The following ZFHX3 variants were observed in gnomAD, a reference collection of about 807,000 sequenced individuals.
The protein encoded by ZFHX3 is zinc finger homeobox protein 3.
In ZFHX3, 42 loss-of-function variants were observed where a neutral mutation model predicts 279.1. That is an observed-to-expected ratio of 0.15 (90% CI 0.12 to 0.19). The LOEUF is 0.19. ZFHX3 is among the 10% of genes least tolerant of loss of function. The pLI, the probability that ZFHX3 is intolerant of heterozygous loss-of-function variation, is 1.00. For synonymous variants in ZFHX3, 2,293 were observed against 1,957.8 expected (o/e 1.17, Z -4.52); for missense variants, 4,981 against 4,754.0 (o/e 1.05, Z -1.40).
chr16:72,837,056 G>A (rs1597293165), intron 4 of ZFHX3, among the ~76,000 whole-genome samples: 2 of 152,110 alleles, frequency 1.3e-5, no homozygotes, highest in African/African-American at 2.4e-5. Context: ...TGGGCCTCCC[G>A]CACTCCTGCG....
intron 5 of ZFHX3, among the ~76,000 whole-genome samples, chr16:73,159,456 A>G (rs1352868032): frequency 1.3e-5 from 2 of 152,152 alleles, no homozygotes; most frequent in African/African-American, 4.8e-5. Context: ...AGGGCTTGCT[A>G]TCTTGCTGTC....
rs1242491554 is a variant in ZFHX3, at chr16:73,261,668, G to GCTTTTTT, written c.-1193-4533_-1193-4532insAAAAAAG. Among the ~76,000 whole-genome samples, 4 of 80,702 alleles carry GCTTTTTT rather than the reference G, an allele frequency of 5.0e-5. 1 individual carries two copies. The highest frequency in any genetic ancestry group is 1.9e-4 in the African/African-American group (4 of 21,052). 52.9% of individuals were successfully genotyped at this position (80,702 alleles called of 152,430 possible). On this transcript the variant is annotated intron_variant, in intron 4 of 17. Coordinates refer to the ZFHX3 transcript ENST00000641206. ...TATAAATATAAACATTCCTGTGATT[G>GCTTTTTT]TTTTTTTTTTTTTTTTTTTTTTTTA...
chr16:73,215,552 T>C (rs563344772), intron 5 of ZFHX3, among the ~76,000 whole-genome samples: 1 of 152,322 alleles, frequency 6.6e-6, no homozygotes, highest in African/African-American at 2.4e-5. Flanking sequence ...GAGGCCAACT[T>C]GGTAGGACCC....
chr16:73,374,178 G>A (rs1197396896), intron 3 of ZFHX3, among the ~76,000 whole-genome samples: 1 of 152,252 alleles, frequency 6.6e-6, no homozygotes, highest in East Asian at 1.9e-4. Flanking sequence ...GAGCAGGTGG[G>A]TTATTTCTTA....
intron 4 of ZFHX3, among the ~76,000 whole-genome samples, chr16:73,291,319 G>T (rs1359073220): frequency 1.3e-5 from 2 of 152,158 alleles, no homozygotes; most frequent in African/African-American, 4.8e-5. Flanking sequence ...TCATCAAAGG[G>T]AAGGCAGGGG....
At chr16:73,849,225 C>G (rs1215401866) in intron 1 of ZFHX3, among the ~76,000 whole-genome samples, 5 of 152,168 alleles carry the variant, frequency 3.3e-5, no homozygotes, top group African/African-American at 1.2e-4. Flanking sequence ...AATTCACATC[C>G]TGATGTTGCT....
At chr16:73,059,996 C>A (rs771622306), upstream of ZFHX3, among the ~76,000 whole-genome samples, 1 of 152,044 alleles carries the variant, frequency 6.6e-6, no homozygotes, top group Non-Finnish European at 1.5e-5. Flanking sequence ...CAACTTTCTA[C>A]CTTTCTGGAC....
chr16:73,108,062 G>A (rs994567530), intron 7 of ZFHX3, among the ~76,000 whole-genome samples: 3 of 152,320 alleles, frequency 2.0e-5, no homozygotes, highest in South Asian at 2.1e-4. Context: ...TCGGGAGGCC[G>A]AGGCAGGAGA....
In ZFHX3 at chr16:72,958,010, C is replaced by T. The variant is rs1961349738; in HGVS notation, c.2136G>A (p.Arg712=). Residue 712 remains arginine (R), a synonymous_variant, in exon 2 of 10, where the codon CGG becomes CGA. Transcript: ENST00000268489. ...VYCKSGQPHP[R]LARGESYTCG... ...ACGTGTAGCTCTCGCCTCGTGCCAG[C>T]CGGGGGTGGGGCTGCCCGCTTTTGC... 1 of 1,609,748 alleles carries T rather than the reference C, an allele frequency of 6.2e-7. No individual in the cohort carries two copies. The highest frequency in any genetic ancestry group is 1.7e-5 in the Admixed American group (1 of 59,608).
chr16:73,560,067 C>A (rs546617016), intron 2 of ZFHX3, among the ~76,000 whole-genome samples: 20 of 152,270 alleles, frequency 1.3e-4, no homozygotes, highest in East Asian at 5.8e-4. Flanking sequence ...GGAAAAAAAA[C>A]CCCAGTGCCT....
intron 2 of ZFHX3, among the ~76,000 whole-genome samples, chr16:73,586,960 G>A (rs1359104056): frequency 6.6e-5 from 10 of 151,964 alleles, no homozygotes; most frequent in African/African-American, 2.4e-4. Context: ...TTTCCACTAT[G>A]TAAATACTGA....
chr16:73,301,025 C>T (rs2015044148), intron 4 of ZFHX3, among the ~76,000 whole-genome samples: 2 of 152,214 alleles, frequency 1.3e-5, no homozygotes, highest in African/African-American at 2.4e-5. Flanking sequence ...AGATTTCTCA[C>T]TGAAAGAAAT....
intron 3 of ZFHX3, among the ~76,000 whole-genome samples, chr16:73,327,337 T>C (rs2015711017): frequency 6.6e-6 from 1 of 152,122 alleles, no homozygotes; most frequent in South Asian, 2.1e-4. Flanking sequence ...AAGTATTCCA[T>C]GAGACCAGGT....
chr16:73,818,447 A>T (rs145062202), intron 1 of ZFHX3, among the ~76,000 whole-genome samples: 1 of 152,294 alleles, frequency 6.6e-6, no homozygotes, highest in African/African-American at 2.4e-5. Context: ...AATGGCATAT[A>T]TGAGAGGTCC....
At chr16:73,406,393 GT>G (rs1257755737) in intron 3 of ZFHX3, among the ~76,000 whole-genome samples, 3 of 152,188 alleles carry the variant, frequency 2.0e-5, no homozygotes, top group Non-Finnish European at 2.9e-5. Context: ...GGACCAATGG[GT>G]ACCTTTCTGA....
intron 1 of ZFHX3, among the ~76,000 whole-genome samples, chr16:73,887,092 T>C (rs2030371424): frequency 6.6e-6 from 1 of 152,184 alleles, no homozygotes. Context: ...AAGTTCTCCT[T>C]TCAAAAAATT....
intron 4 of ZFHX3, among the ~76,000 whole-genome samples, chr16:72,834,076 A>G (rs1383470400): frequency 6.6e-6 from 1 of 152,058 alleles, no homozygotes; most frequent in Non-Finnish European, 1.5e-5. Context: ...GTGAGACTCC[A>G]TCTCTACAAA....
chr16:73,592,841 C>G (rs866046466), intron 2 of ZFHX3, among the ~76,000 whole-genome samples: 8 of 150,494 alleles, frequency 5.3e-5, no homozygotes, highest in Middle Eastern at 3.4e-3. Flanking sequence ...ACTCGAATCT[C>G]TAACTTTTAA....
intron 1 of ZFHX3, among the ~76,000 whole-genome samples, chr16:73,000,830 A>G (rs1283011777): frequency 1.3e-5 from 2 of 152,170 alleles, no homozygotes; most frequent in Non-Finnish European, 2.9e-5. Flanking sequence ...GCTGAACCCC[A>G]CAAACCCCTT....
Sources: gnomAD v4.1 joint callset for allele counts (sites outside exome capture counted in the v4.1 genomes callset) on GRCh38, gnomAD v4.1.1 for gene constraint, MANE v1.5 for transcripts, NCBI Gene and HGNC (gene_info 2026-07-23, HGNC 2026-07-21) for gene names.